The following GRIK4 variants were observed in gnomAD, a reference collection of about 807,000 sequenced individuals.
GRIK4 encodes the protein glutamate receptor ionotropic, kainate 4.
GRIK4 carries 40 observed loss-of-function variants against 104.9 expected under a neutral mutation model. The ratio of observed to expected loss-of-function variants is 0.38; its 90% CI spans 0.30 to 0.50. The LOEUF (loss-of-function observed/expected upper bound fraction) is 0.50. Ranked by LOEUF, GRIK4 falls within the 20% of genes least tolerant of loss-of-function variation. The pLI is 0.93. For synonymous variants in GRIK4, 485 were observed against 524.9 expected (o/e 0.92, Z 1.04); for missense variants, 1,047 against 1,308.1 (o/e 0.80, Z 3.08).
chr11:120,693,744 G>A (rs1309252026), intron 3 of GRIK4, among the ~76,000 whole-genome samples: 1 of 152,160 alleles, frequency 6.6e-6, no homozygotes, highest in Non-Finnish European at 1.5e-5. Flanking sequence ...CCATGGATTG[G>A]ATGTGGGGTA....
intron 11 of GRIK4, among the ~76,000 whole-genome samples, chr11:120,885,386 C>CTTT (rs201070778): frequency 6.9e-6 from 1 of 145,392 alleles, no homozygotes; most frequent in Non-Finnish European, 1.5e-5. Flanking sequence ...ATAAATTCTT[C>CTTT]TTTTTTTTTT....
chr11:120,700,722 G>C (rs1199122139), intron 3 of GRIK4, among the ~76,000 whole-genome samples: 1 of 152,166 alleles, frequency 6.6e-6, no homozygotes, highest in Non-Finnish European at 1.5e-5. Context: ...CTCCTAAAGT[G>C]TTAGGATTAC....
intron 1 of GRIK4, among the ~76,000 whole-genome samples, chr11:120,521,431 T>G (rs1333571481): frequency 2.6e-5 from 4 of 152,162 alleles, no homozygotes; most frequent in Admixed American, 1.3e-4. Context: ...TCTTGGTGAT[T>G]TGTGTCCTCT....
At chr11:120,825,824 AT>A (rs1953242867) in intron 6 of GRIK4, among the ~76,000 whole-genome samples, 1 of 152,216 alleles carries the variant, frequency 6.6e-6, no homozygotes, top group South Asian at 2.1e-4. Context: ...ACGATACCAC[AT>A]TTAATTACTG....
At chr11:120,687,107 G>T (rs1950288188) in intron 3 of GRIK4, among the ~76,000 whole-genome samples, 1 of 152,210 alleles carries the variant, frequency 6.6e-6, no homozygotes, top group South Asian at 2.1e-4. Context: ...AATTTATAAA[G>T]AGATCTTATG....
chr11:120,832,625 C>A (rs1205992376), intron 7 of GRIK4, among the ~76,000 whole-genome samples: 1 of 152,146 alleles, frequency 6.6e-6, no homozygotes, highest in Non-Finnish European at 1.5e-5. Context: ...CTGAGTGGAG[C>A]AGGGCTGAGC....
chr11:120,533,425 C>A (rs1947941972), intron 1 of GRIK4, among the ~76,000 whole-genome samples: 1 of 152,208 alleles, frequency 6.6e-6, no homozygotes, highest in African/African-American at 2.4e-5. Flanking sequence ...ATAGCTGAGC[C>A]TAGAGATATG....
rs539980333 is a variant in GRIK4, at chr11:120,857,960, G to T, written c.745-3999G>T. ...AGTGGAAGACCTGGTCCTGGTCTCT[G>T]CCCCACCACTTGGCTTTACCAGGTC... is the stretch of plus-strand genomic sequence containing the variant. On this transcript the variant is annotated intron_variant, in intron 8 of 20. Coordinates refer to ENST00000527524, the MANE Select transcript of GRIK4 (RefSeq NM_014619.5). Among the ~76,000 whole-genome samples the T allele has an allele frequency of 2.9e-3, 439 of 152,296 alleles. 3 individuals carry two copies. The highest frequency in any genetic ancestry group is 1.0e-2 in the African/African-American group (415 of 41,558).
chr11:120,806,098 GC>G (rs1453442248), intron 4 of GRIK4, among the ~76,000 whole-genome samples: 11 of 152,146 alleles, frequency 7.2e-5, no homozygotes, highest in Admixed American at 5.2e-4. Context: ...TAGGTGAAAC[GC>G]TCGGCACTGC....
At chr11:120,911,399 C>G (rs1325469881) in intron 13 of GRIK4, among the ~76,000 whole-genome samples, 1 of 149,416 alleles carries the variant, frequency 6.7e-6, no homozygotes, top group South Asian at 2.1e-4. Flanking sequence ...CCACCATGCC[C>G]GGCTAATTTT....
intron 6 of GRIK4, among the ~76,000 whole-genome samples, chr11:120,823,764 G>A (rs1468181509): frequency 6.6e-6 from 1 of 152,162 alleles, no homozygotes; most frequent in Non-Finnish European, 1.5e-5. Context: ...ACAAGGTTCT[G>A]GAGCAGATGT....
At chr11:120,810,733 AATAT>A (rs941511413) in intron 4 of GRIK4, among the ~76,000 whole-genome samples, 1 of 152,254 alleles carries the variant, frequency 6.6e-6, no homozygotes, top group Non-Finnish European at 1.5e-5. Flanking sequence ...GTGGTATACT[AATAT>A]ATATGCTTCT....
At chr11:120,543,450 C>A (rs752030793) in intron 1 of GRIK4, among the ~76,000 whole-genome samples, 2 of 151,716 alleles carry the variant, frequency 1.3e-5, no homozygotes, top group African/African-American at 2.4e-5. Context: ...GTGGTGTGTG[C>A]CTGTAATCCA....
chr11:120,953,955 GTGTCTCT>G lies in GRIK4; in HGVS notation c.1700+993_1700+999del, dbSNP rs1944071577. ...ATCTGTCCGTGGCTCTGGTTTGCAG[GTGTCTCT>G]TCAGTTGTTACCTTTGCCTCTAGGC... On this transcript the variant is annotated intron_variant, in intron 15 of 20. Transcript: ENST00000527524. This position sits in a 1 kb window ranked among gnomAD's most constrained non-coding sequence, Gnocchi z 4.9. Among the ~76,000 whole-genome samples, 1 of 152,176 alleles carries G rather than the reference GTGTCTCT, an allele frequency of 6.6e-6. No homozygotes were observed. The highest frequency in any genetic ancestry group is 6.5e-5 in the Admixed American group (1 of 15,284).
intron 3 of GRIK4, among the ~76,000 whole-genome samples, chr11:120,679,831 T>C (rs560708730): frequency 3.3e-5 from 5 of 152,332 alleles, no homozygotes; most frequent in Admixed American, 2.6e-4. Context: ...AGGCTGCAGA[T>C]GATCCAGGTG....
chr11:120,608,500 T>C (rs1948990431), intron 1 of GRIK4, among the ~76,000 whole-genome samples: 1 of 152,204 alleles, frequency 6.6e-6, no homozygotes, highest in South Asian at 2.1e-4. Flanking sequence ...AATGCTGTCA[T>C]CAGTAACACA....
chr11:120,890,949 G>A (rs778633194), intron 11 of GRIK4, among the ~76,000 whole-genome samples: 2 of 152,210 alleles, frequency 1.3e-5, no homozygotes, highest in Non-Finnish European at 2.9e-5. Context: ...TCATCTAAAT[G>A]TACATAAAAT....
At chr11:120,942,717 C>T (rs1159027515) in intron 14 of GRIK4, among the ~76,000 whole-genome samples, 1 of 152,168 alleles carries the variant, frequency 6.6e-6, no homozygotes, top group African/African-American at 2.4e-5. Context: ...ACCTGAAAAC[C>T]TGTATGAGTT....
intron 3 of GRIK4, among the ~76,000 whole-genome samples, chr11:120,745,944 C>T (rs768130737): frequency 2.1e-4 from 32 of 152,156 alleles, no homozygotes; most frequent in Non-Finnish European, 4.1e-4. Flanking sequence ...CATTAGGCAC[C>T]TGGGGCTTGC....
Sources: gnomAD v4.1 joint callset for allele counts (sites outside exome capture counted in the v4.1 genomes callset) on GRCh38, gnomAD v4.1.1 for gene constraint, Gnocchi (gnomAD v3.1) non-coding constraint, MANE v1.5 for transcripts, NCBI Gene and HGNC (gene_info 2026-07-23, HGNC 2026-07-21) for gene names.